SGCD: variants seen among roughly 807,000 people sequenced by gnomAD.
SGCD encodes the protein delta-sarcoglycan.
Under a neutral mutation model 36.6 loss-of-function variants are expected in SGCD, and 18 were observed. The observed-to-expected ratio is 0.49, with a 90% CI of 0.34 to 0.73. The LOEUF is 0.73. Among genes scored for constraint, SGCD ranks in the 30% least tolerant of loss-of-function variants. The pLI, the probability that SGCD is intolerant of heterozygous loss-of-function variation, is 0.01. For synonymous variants in SGCD, 133 were observed against 130.6 expected, an observed-to-expected ratio of 1.02 and a Z score of -0.12; for missense variants, 387 against 346.7, an observed-to-expected ratio of 1.12 and a Z score of -0.92.
intron 1 of SGCD, among the ~76,000 whole-genome samples, chr5:156,047,904 T>C (rs917829048): frequency 4.6e-5 from 7 of 152,138 alleles, no homozygotes; most frequent in African/African-American, 1.7e-4. Flanking sequence ...ACATGTGCCA[T>C]GTTGGTGTGC....
intron 7 of SGCD, among the ~76,000 whole-genome samples, chr5:156,737,949 A>G (rs1299350006): frequency 1.3e-5 from 2 of 152,178 alleles, no homozygotes; most frequent in Non-Finnish European, 2.9e-5. Flanking sequence ...ACTGCCCCAT[A>G]GGCTGAACCG....
At chr5:156,644,640 G>A (rs1398738499) in intron 6 of SGCD, among the ~76,000 whole-genome samples, 2 of 151,950 alleles carry the variant, frequency 1.3e-5, no homozygotes, top group East Asian at 1.9e-4. Context: ...GGTTGCTAAA[G>A]GCAGTTATCT....
At chr5:155,931,532 T>G (rs1183452403) in intron 1 of SGCD, among the ~76,000 whole-genome samples, 2 of 152,126 alleles carry the variant, frequency 1.3e-5, no homozygotes, top group Admixed American at 1.3e-4. Context: ...AATTGTGGGG[T>G]TTTTTGTTTT....
At chr5:156,490,612 T>G (rs1333084965) in intron 3 of SGCD, among the ~76,000 whole-genome samples, 1 of 151,942 alleles carries the variant, frequency 6.6e-6, no homozygotes, top group Non-Finnish European at 1.5e-5. Context: ...AACTATATAA[T>G]CCTCTCAAGA....
chr5:155,817,588 G>A, the SGCD span, among the ~76,000 whole-genome samples: 4 of 151,482 alleles, frequency 2.6e-5, no homozygotes, highest in South Asian at 4.2e-4. Flanking sequence ...ACTCTCATTT[G>A]CCTTTTTAGC....
At chr5:156,029,798 T>A (rs1290175171) in intron 1 of SGCD, among the ~76,000 whole-genome samples, 4 of 152,210 alleles carry the variant, frequency 2.6e-5, no homozygotes, top group South Asian at 2.1e-4. Flanking sequence ...AATTTTTTTT[T>A]AATTTCACTT....
chr5:156,428,104 G>A (rs954323154), intron 3 of SGCD, among the ~76,000 whole-genome samples: 5 of 152,110 alleles, frequency 3.3e-5, no homozygotes, highest in Non-Finnish European at 1.5e-5. Context: ...ACTGTCAATA[G>A]GATTGGTACC....
intron 1 of SGCD, among the ~76,000 whole-genome samples, chr5:155,992,530 T>A (rs1758454066): frequency 6.6e-6 from 1 of 152,114 alleles, no homozygotes; most frequent in African/African-American, 2.4e-5. Context: ...TTGGTGAAAA[T>A]GTAATGCCAA....
In SGCD at chr5:155,896,191, A is replaced by G. The variant is rs573012786; in HGVS notation, c.-282+25767A>G. On this transcript the variant is annotated intron_variant, in intron 1 of 9. Coordinates refer to the SGCD transcript ENST00000517913. ...GTCGATTGATTCTGCAATAGGAGAG[A>G]ATGTGCTGGAATGGACAGGCAAAGG... Among the ~76,000 whole-genome samples, 23 of 152,146 alleles carry G rather than the reference A, an allele frequency of 1.5e-4. 1 individual carries two copies. The highest frequency in any genetic ancestry group is 6.2e-4 in the South Asian group (3 of 4,826).
Position 156,488,685 on chromosome 5 carries a change from A to G in SGCD, c.193-19916A>G, listed in dbSNP as rs565009140. Among the ~76,000 whole-genome samples the G allele has an allele frequency of 6.6e-5, 10 of 152,314 alleles. No homozygotes were observed. In the East Asian group the frequency reaches 1.4e-3, roughly 21 times the overall value. On this transcript the variant is annotated intron_variant, in intron 3 of 8. Coordinates refer to ENST00000337851, the MANE Select transcript of SGCD (RefSeq NM_000337.6). ...TTACATCTGGAAGCCAGAACATGAT[A>G]TCTACCATCATGAAAACACATAAAA...
intron 3 of SGCD, among the ~76,000 whole-genome samples, chr5:156,288,579 G>GA (rs1766676678): frequency 1.3e-5 from 2 of 152,100 alleles, no homozygotes; most frequent in Non-Finnish European, 2.9e-5. Flanking sequence ...CCAACACAGT[G>GA]AAAAAATAAT....
At chr5:156,666,974 T>TA (rs991991135) in intron 7 of SGCD, among the ~76,000 whole-genome samples, 1 of 152,044 alleles carries the variant, frequency 6.6e-6, no homozygotes, top group South Asian at 2.1e-4. Context: ...AAATTAAAAT[T>TA]AAAAAACCAT....
chr5:155,983,064 G>GT (rs1463726605), intron 1 of SGCD, among the ~76,000 whole-genome samples: 2 of 152,094 alleles, frequency 1.3e-5, no homozygotes, highest in East Asian at 3.9e-4. Context: ...TAATGCTTGT[G>GT]TTTTTTAAAT....
intron 3 of SGCD, among the ~76,000 whole-genome samples, chr5:156,205,446 G>A (rs1764252384): frequency 6.6e-6 from 1 of 152,066 alleles, no homozygotes; most frequent in Non-Finnish European, 1.5e-5. Context: ...GCTTAGAAAG[G>A]TTGAATTAAG....
At chr5:156,532,333 C>T (rs1382336797) in intron 4 of SGCD, among the ~76,000 whole-genome samples, 1 of 152,142 alleles carries the variant, frequency 6.6e-6, no homozygotes. Context: ...AAGTACTTTG[C>T]AGAGGGCCCA....
chr5:155,778,847 A>G, the SGCD span, among the ~76,000 whole-genome samples: 1 of 152,206 alleles, frequency 6.6e-6, no homozygotes, highest in Non-Finnish European at 1.5e-5. Flanking sequence ...GAATTATACT[A>G]ACAGAAGTTG....
intron 1 of SGCD, among the ~76,000 whole-genome samples, chr5:155,918,424 A>T (rs1480828062): frequency 6.6e-6 from 1 of 152,104 alleles, no homozygotes; most frequent in East Asian, 1.9e-4. Context: ...TTATCCAGCC[A>T]TGGTGCTGGG....
chr5:155,771,169 T>C, the SGCD span, among the ~76,000 whole-genome samples: 1 of 152,144 alleles, frequency 6.6e-6, no homozygotes, highest in Non-Finnish European at 1.5e-5. Flanking sequence ...TCATTCAGTT[T>C]GTTAATACTC....
chr5:156,355,444 C>T (rs1246428126), intron 3 of SGCD, among the ~76,000 whole-genome samples: 1 of 152,150 alleles, frequency 6.6e-6, no homozygotes, highest in Admixed American at 6.5e-5. Context: ...TTCTTCCTTT[C>T]AATATTCTTA....
Sources: allele counts gnomAD v4.1 joint callset (sites outside exome capture counted in the v4.1 genomes callset), GRCh38; gene constraint gnomAD v4.1.1; transcripts MANE v1.5; gene names NCBI Gene and HGNC (gene_info 2026-07-23, HGNC 2026-07-21).